Variants in KCNIP4 observed in about 807,000 individuals in gnomAD.
KCNIP4 encodes Kv channel-interacting protein 4.
KCNIP4 carries 12 observed loss-of-function variants against 34.0 expected under a neutral mutation model. The observed-to-expected ratio is 0.35, with a 90% CI of 0.23 to 0.57. The LOEUF is 0.57. KCNIP4 is among the 20% of genes least tolerant of loss of function. KCNIP4 has a pLI of 0.83. For synonymous variants in KCNIP4, 124 were observed against 102.2 expected (o/e 1.21, Z -1.29); for missense variants, 238 against 311.7 (o/e 0.76, Z 1.78).
chr4:21,385,579 A>G (rs1218532362), intron 1 of KCNIP4, among the ~76,000 whole-genome samples: 2 of 152,184 alleles, frequency 1.3e-5, no homozygotes, highest in Non-Finnish European at 2.9e-5. Context: ...CAGTGCTAAA[A>G]CATATAGAAT....
intron 1 of KCNIP4, among the ~76,000 whole-genome samples, chr4:21,043,430 A>T (rs551218663): frequency 3.9e-5 from 6 of 152,026 alleles, no homozygotes; most frequent in Non-Finnish European, 8.8e-5. Context: ...CCCGGGTTCA[A>T]GCAATTCTCC....
At position 21,293,872 on chromosome 4, in the gene KCNIP4, T is replaced by C. The variant is rs1763686119; in HGVS notation, c.62-411163A>G. On this transcript the variant is annotated intron_variant, in intron 1 of 8. Coordinates refer to ENST00000382152, the MANE Select transcript of KCNIP4 (RefSeq NM_025221.6). ...TCTCTGTAGCTTAATCTTCATTTAC[T>C]TCAAACCTAATTCTGCCTCTGATCA... Among the ~76,000 whole-genome samples the C allele has an allele frequency of 3.3e-5, 5 of 152,176 alleles. No homozygotes were observed. In the South Asian group the frequency reaches 1.0e-3, roughly 32 times the overall value.
At chr4:20,804,966 G>A in intron 3 of KCNIP4, among the ~76,000 whole-genome samples, 1 of 152,044 alleles carries the variant, frequency 6.6e-6, no homozygotes, top group African/African-American at 2.4e-5. Context: ...TTCTTCTAAT[G>A]GCAGGAGCAG....
chr4:21,931,350 G>A, intron 1 of KCNIP4, among the ~76,000 whole-genome samples: 1 of 150,782 alleles, frequency 6.6e-6, no homozygotes, highest in Non-Finnish European at 1.5e-5. Flanking sequence ...CATGTGCCAT[G>A]TTGGTGTGCT....
intron 1 of KCNIP4, among the ~76,000 whole-genome samples, chr4:21,530,680 G>A (rs910303867): frequency 1.3e-5 from 2 of 152,070 alleles, no homozygotes; most frequent in African/African-American, 4.8e-5. Context: ...CATTGGATAA[G>A]GAGTTATCAA....
chr4:21,222,417 A>G (rs1357533743), intron 1 of KCNIP4, among the ~76,000 whole-genome samples: 1 of 152,152 alleles, frequency 6.6e-6, no homozygotes, highest in Non-Finnish European at 1.5e-5. Context: ...AAAATTTTCT[A>G]AAGACTCAGT....
intron 1 of KCNIP4, among the ~76,000 whole-genome samples, chr4:21,335,910 C>T (rs1227930821): frequency 3.3e-5 from 5 of 152,122 alleles, no homozygotes; most frequent in Middle Eastern, 6.3e-3. Flanking sequence ...ATTACCGATG[C>T]TCTGGGGTCT....
At chr4:21,528,573 A>G (rs1577531828) in intron 1 of KCNIP4, among the ~76,000 whole-genome samples, 1 of 151,554 alleles carries the variant, frequency 6.6e-6, no homozygotes, top group South Asian at 2.1e-4. Flanking sequence ...AGGTTGAGAC[A>G]GGACAATCAC....
At chr4:21,457,791 G>A (rs1337234482) in intron 1 of KCNIP4, among the ~76,000 whole-genome samples, 1 of 152,060 alleles carries the variant, frequency 6.6e-6, no homozygotes, top group East Asian at 1.9e-4. Flanking sequence ...TGCTGGGAAT[G>A]TAGTCCATCA....
chr4:21,616,243 T>C (rs939468343), intron 1 of KCNIP4, among the ~76,000 whole-genome samples: 2 of 152,124 alleles, frequency 1.3e-5, no homozygotes, highest in African/African-American at 4.8e-5. Flanking sequence ...TACCATTATC[T>C]TCTTCAAATT....
intron 1 of KCNIP4, among the ~76,000 whole-genome samples, chr4:21,908,596 A>G (rs528736434): frequency 3.3e-5 from 5 of 152,310 alleles, no homozygotes; most frequent in South Asian, 2.1e-4. Flanking sequence ...CAGAAAGATA[A>G]ACACAGTGAA....
intron 3 of KCNIP4, among the ~76,000 whole-genome samples, chr4:20,807,211 A>G (rs1000160481): frequency 6.6e-6 from 1 of 152,126 alleles, no homozygotes; most frequent in Non-Finnish European, 1.5e-5. Flanking sequence ...TTACACTTAT[A>G]CTTTGGTCAT....
intron 1 of KCNIP4, among the ~76,000 whole-genome samples, chr4:21,124,811 C>A (rs1750472838): frequency 6.6e-6 from 1 of 152,070 alleles, no homozygotes; most frequent in African/African-American, 2.4e-5. Flanking sequence ...GGGCAGCTTT[C>A]TTTTTATTTA....
chr4:21,421,626 T>G (rs1253978159), intron 1 of KCNIP4, among the ~76,000 whole-genome samples: 1 of 152,122 alleles, frequency 6.6e-6, no homozygotes, highest in Non-Finnish European at 1.5e-5. Context: ...GGGGTGGGGA[T>G]GGAAAGCTAT....
chr4:20,796,567 A>G (rs1053656798), intron 3 of KCNIP4, among the ~76,000 whole-genome samples: 2 of 150,724 alleles, frequency 1.3e-5, no homozygotes, highest in African/African-American at 4.9e-5. Flanking sequence ...TCATTTATCT[A>G]TACATGCCTT....
chr4:21,612,612 G>A (rs1031757021), intron 1 of KCNIP4, among the ~76,000 whole-genome samples: 3 of 152,162 alleles, frequency 2.0e-5, no homozygotes, highest in Admixed American at 6.5e-5. Context: ...CTCTACATTG[G>A]CATCTAATAT....
chr4:21,469,916 G>A (rs1419327869), intron 1 of KCNIP4, among the ~76,000 whole-genome samples: 1 of 152,156 alleles, frequency 6.6e-6, no homozygotes, highest in East Asian at 1.9e-4. Context: ...TAAATAGCCA[G>A]AATTTTATGT....
At chr4:21,154,763 G>T (rs548932181) in intron 1 of KCNIP4, among the ~76,000 whole-genome samples, 1 of 152,262 alleles carries the variant, frequency 6.6e-6, no homozygotes, top group African/African-American at 2.4e-5. Flanking sequence ...CTCTTTAAAT[G>T]GAACTCCTTC....
chr4:21,855,435 G>A (rs995841023), intron 1 of KCNIP4, among the ~76,000 whole-genome samples: 8 of 152,092 alleles, frequency 5.3e-5, no homozygotes, highest in Admixed American at 3.3e-4. Flanking sequence ...TGGTACCAGC[G>A]CATCCTCTGA....
Sources: allele counts gnomAD v4.1 joint callset (sites outside exome capture counted in the v4.1 genomes callset), GRCh38; gene constraint gnomAD v4.1.1; transcripts MANE v1.5; gene names NCBI Gene and HGNC (gene_info 2026-07-23, HGNC 2026-07-21).